The following TTC28 variants were observed in gnomAD, a reference collection of about 807,000 sequenced individuals.
TTC28 encodes the protein tetratricopeptide repeat domain 28.
In TTC28, 61 loss-of-function variants were observed where a neutral mutation model predicts 198.0. The observed-to-expected ratio is 0.31, with a 90% CI of 0.25 to 0.38. The LOEUF is 0.38. Among genes scored for constraint, TTC28 ranks in the 10% least tolerant of loss-of-function variants. The probability of loss-of-function intolerance (pLI) is 1.00; values close to 1 mark genes in which losing one functional copy is unlikely to be tolerated. For missense variants in TTC28, 2,678 were observed against 3,164.0 expected, an observed-to-expected ratio of 0.85 and a Z score of 3.69; for synonymous variants, 1,171 against 1,297.8, an observed-to-expected ratio of 0.90 and a Z score of 2.10.
intron 5 of TTC28, among the ~76,000 whole-genome samples, chr22:28,178,506 A>AAATATAT (rs1203534824): frequency 1.3e-5 from 2 of 152,030 alleles, no homozygotes. Flanking sequence ...GGTAATTTGA[A>AAATATAT]AATATATAAA....
At chr22:28,023,167 G>A (rs1271574418) in intron 13 of TTC28, among the ~76,000 whole-genome samples, 1 of 152,228 alleles carries the variant, frequency 6.6e-6, no homozygotes, top group Non-Finnish European at 1.5e-5. Context: ...TTCCCTGCCT[G>A]GGCTAAGGGT....
intron 13 of TTC28, among the ~76,000 whole-genome samples, chr22:28,018,557 G>A (rs1465309969): frequency 6.6e-6 from 1 of 152,094 alleles, no homozygotes; most frequent in Non-Finnish European, 1.5e-5. Flanking sequence ...TCCTGCCCAC[G>A]CCTCTTCCTT....
At chr22:28,228,528 C>T (rs906931223) in intron 5 of TTC28, among the ~76,000 whole-genome samples, 1 of 151,986 alleles carries the variant, frequency 6.6e-6, no homozygotes, top group African/African-American at 2.4e-5. Context: ...GGCGAAAACC[C>T]GTCTCTACTA....
intron 12 of TTC28, among the ~76,000 whole-genome samples, chr22:28,040,563 C>T (rs1032680784): frequency 9.9e-5 from 15 of 152,132 alleles, no homozygotes; most frequent in Non-Finnish European, 1.3e-4. Context: ...TCTCAATAAA[C>T]TAGGTATTGA....
At chr22:28,006,636 T>C (rs6005693) in intron 14 of TTC28, 37,776 of 152,206 alleles carry the variant, frequency 0.25, 5,203 homozygotes, top group East Asian at 0.43. Flanking sequence ...ACCATCGCTA[T>C]CCTCCACACC....
At chr22:28,026,578 C>T (rs1938844309) in intron 13 of TTC28, among the ~76,000 whole-genome samples, 1 of 152,122 alleles carries the variant, frequency 6.6e-6, no homozygotes, top group Non-Finnish European at 1.5e-5. Context: ...CTGGAAGGAC[C>T]CCCAACCAAG....
chr22:28,535,581 G>A (rs1226126223), intron 2 of TTC28, among the ~76,000 whole-genome samples: 14 of 152,144 alleles, frequency 9.2e-5, no homozygotes, highest in African/African-American at 3.4e-4. Context: ...TATTGTTAAT[G>A]GGTCATATGG....
chr22:28,192,676 G>A (rs1924936967), intron 5 of TTC28, among the ~76,000 whole-genome samples: 1 of 152,072 alleles, frequency 6.6e-6, no homozygotes, highest in Non-Finnish European at 1.5e-5. Flanking sequence ...TCAATCAAGT[G>A]GAAGAAAGGG....
intron 5 of TTC28, among the ~76,000 whole-genome samples, chr22:28,174,560 C>T (rs1306455249): frequency 6.6e-6 from 1 of 152,084 alleles, no homozygotes; most frequent in Non-Finnish European, 1.5e-5. Flanking sequence ...AAAATTCACC[C>T]TTGTAGCGCA....
intron 2 of TTC28, among the ~76,000 whole-genome samples, chr22:28,594,221 C>T (rs1323109202): frequency 6.0e-5 from 9 of 149,622 alleles, no homozygotes; most frequent in Non-Finnish European, 1.0e-4. Flanking sequence ...TCCCTGAGAC[C>T]TATAATTAAA....
intron 12 of TTC28, among the ~76,000 whole-genome samples, chr22:28,039,545 G>A (rs559243877): frequency 1.1e-3 from 166 of 151,996 alleles, no homozygotes; most frequent in Non-Finnish European, 2.2e-3. Context: ...TGGGAGGGAT[G>A]GCATTAGGAG....
chr22:28,164,714 G>A (rs923048849), intron 5 of TTC28, among the ~76,000 whole-genome samples: 1 of 152,122 alleles, frequency 6.6e-6, no homozygotes, highest in Admixed American at 6.5e-5. Context: ...AGAAAAACCG[G>A]AAACTCTAAA....
chr22:28,265,647 T>C (rs1931636578), intron 5 of TTC28, among the ~76,000 whole-genome samples: 1 of 152,160 alleles, frequency 6.6e-6, no homozygotes, highest in Admixed American at 6.6e-5. Context: ...TGATTGACTA[T>C]ACAAGCTTGT....
intron 6 of TTC28, among the ~76,000 whole-genome samples, chr22:28,117,837 G>T (rs1164805271): frequency 6.6e-6 from 1 of 152,130 alleles, no homozygotes; most frequent in East Asian, 1.9e-4. Context: ...GAAAAAAATA[G>T]TTAGAAAGAA....
intron 5 of TTC28, among the ~76,000 whole-genome samples, chr22:28,189,767 A>G (rs1182587484): frequency 6.6e-6 from 1 of 152,186 alleles, no homozygotes; most frequent in Non-Finnish European, 1.5e-5. Context: ...TACCAATCAA[A>G]CTTGAAGACA....
chr22:28,353,131 G>A (rs1006731276), intron 2 of TTC28, among the ~76,000 whole-genome samples: 3 of 152,088 alleles, frequency 2.0e-5, no homozygotes, highest in African/African-American at 2.4e-5. Flanking sequence ...AAAAGAATAC[G>A]TTGAGACAAG....
At chr22:28,067,434 A>T (rs1362860126) in intron 12 of TTC28, among the ~76,000 whole-genome samples, 1 of 152,200 alleles carries the variant, frequency 6.6e-6, no homozygotes, top group Non-Finnish European at 1.5e-5. Context: ...ATCTCTTATA[A>T]CATGAAATAC....
At chr22:28,063,621 T>C (rs564953496) in intron 12 of TTC28, among the ~76,000 whole-genome samples, 68 of 152,222 alleles carry the variant, frequency 4.5e-4, no homozygotes, top group African/African-American at 7.0e-4. Flanking sequence ...AGTAAAACCA[T>C]TGTAATATGC....
intron 22 of TTC28, 79 bp from the exon 23 acceptor site, chr22:27,983,930 C>G: frequency 7.9e-6 from 11 of 1,395,588 alleles, no homozygotes; most frequent in Non-Finnish European, 1.1e-5. Context: ...TTTACGACAT[C>G]TTTATATGCA....
Sources: allele counts gnomAD v4.1 joint callset (sites outside exome capture counted in the v4.1 genomes callset), GRCh38; gene constraint gnomAD v4.1.1; transcripts MANE v1.5; gene names NCBI Gene and HGNC (gene_info 2026-07-23, HGNC 2026-07-21).